SPATA6: variants seen among roughly 807,000 people sequenced by gnomAD.
SPATA6 encodes the protein spermatogenesis associated 6, also known as spermatogenesis-associated protein 6.
SPATA6 carries 56 observed loss-of-function variants against 65.3 expected under a neutral mutation model. That is an observed-to-expected ratio of 0.86 (90% confidence interval 0.69 to 1.07). The LOEUF is 1.07. SPATA6 is among the 50% of genes least tolerant of loss of function. The pLI is 0.00. For synonymous variants in SPATA6, 199 were observed against 213.2 expected, an observed-to-expected ratio of 0.93 and a Z score of 0.58; for missense variants, 590 against 594.8, an observed-to-expected ratio of 0.99 and a Z score of 0.08.
chr1:48,452,666 G>A (rs1465490590), intron 2 of SPATA6, among the ~76,000 whole-genome samples: 1 of 152,178 alleles, frequency 6.6e-6, no homozygotes, highest in Non-Finnish European at 1.5e-5. Context: ...TTGCAGGCAT[G>A]AGCCACCGCA....
At chr1:48,267,766 T>TTTG in the SPATA6 span, among the ~76,000 whole-genome samples, 11 of 136,578 alleles carry the variant, frequency 8.1e-5, 1 homozygote, top group South Asian at 2.6e-3. Context: ...TTTTTTTTTT[T>TTTG]TTTTTTTTTT....
chr1:48,351,813 CCTT>C (rs1646520127), intron 11 of SPATA6, among the ~76,000 whole-genome samples: 2 of 151,906 alleles, frequency 1.3e-5, no homozygotes, highest in African/African-American at 2.4e-5. Flanking sequence ...GGGAAGTTTT[CCTT>C]CTTCTATTTT....
At chr1:48,332,109 C>T (rs995874965) in intron 11 of SPATA6, among the ~76,000 whole-genome samples, 2 of 152,150 alleles carry the variant, frequency 1.3e-5, no homozygotes, top group African/African-American at 4.8e-5. Context: ...AAGACCATTA[C>T]CAGGCACTAC....
chr1:48,452,445 G>A (rs1656657957), intron 2 of SPATA6, among the ~76,000 whole-genome samples: 1 of 150,350 alleles, frequency 6.7e-6, no homozygotes, highest in South Asian at 2.1e-4. Context: ...GTGCAGTGGC[G>A]CTATCTCCTC....
intron 11 of SPATA6, among the ~76,000 whole-genome samples, chr1:48,330,082 C>T (rs1202812648): frequency 6.6e-6 from 1 of 152,196 alleles, no homozygotes; most frequent in Non-Finnish European, 1.5e-5. Context: ...TGCTCCACCA[C>T]TGCATGCCAG....
downstream of SPATA6, among the ~76,000 whole-genome samples, chr1:48,292,519 A>G (rs965653312): frequency 6.6e-6 from 1 of 152,192 alleles, no homozygotes; most frequent in Non-Finnish European, 1.5e-5. Context: ...GGTGCACACA[A>G]CAGGAGGGTT....
chr1:48,333,324 C>T (rs1011634835), intron 11 of SPATA6, among the ~76,000 whole-genome samples: 9 of 152,142 alleles, frequency 5.9e-5, no homozygotes, highest in African/African-American at 1.7e-4. Flanking sequence ...TGGATATACA[C>T]CAGTGGTTTG....
chr1:48,378,116 T>A (rs1648132983), intron 9 of SPATA6, among the ~76,000 whole-genome samples: 1 of 152,202 alleles, frequency 6.6e-6, no homozygotes, highest in Admixed American at 6.5e-5. Context: ...AAATTTCTAT[T>A]ATATTAAGTT....
At chr1:48,275,612 C>T in the SPATA6 span, among the ~76,000 whole-genome samples, 5 of 152,014 alleles carry the variant, frequency 3.3e-5, no homozygotes, top group African/African-American at 1.2e-4. Context: ...TGGTTTTTGT[C>T]ATTGTTTCTG....
At chr1:48,364,219 G>A (rs930655972) in intron 9 of SPATA6, among the ~76,000 whole-genome samples, 2 of 152,122 alleles carry the variant, frequency 1.3e-5, no homozygotes, top group African/African-American at 4.8e-5. Context: ...CATTTGGGTT[G>A]GTTCCAAGTC....
chr1:48,434,408 T>G (rs1654696811), intron 3 of SPATA6, among the ~76,000 whole-genome samples: 1 of 152,186 alleles, frequency 6.6e-6, no homozygotes, highest in South Asian at 2.1e-4. Flanking sequence ...TGGTACCTTT[T>G]CACACATTTT....
At position 48,359,620 on chromosome 1, in the gene SPATA6, T is replaced by G; in HGVS notation, c.1060A>C (p.Ser354Arg). 2.5e-6 allele frequency: 4 copies of G among 1,613,632 alleles called. No homozygotes were observed. Among genetic ancestry groups the G allele is most frequent in the East Asian group, 4.5e-5 (2 of 44,858 alleles). Residue 354 changes from serine (S) to arginine (R), a missense_variant, in exon 10 of 13, where the codon AGC becomes CGC. By Grantham distance (110) the Ser-to-Arg change is moderately radical (BLOSUM62 -1). Transcript: ENST00000371847. ...APSTMPKHSP[S>R]PVLNRASLRE... ...AGAGAAGCTCTATTTAACACAGGGC[T>G]TGGAGAATGCTTTGGCATTGTTGAG... is the stretch of plus-strand genomic sequence containing the variant.
intron 10 of SPATA6, among the ~76,000 whole-genome samples, chr1:48,358,314 G>A (rs558169687): frequency 6.6e-6 from 1 of 150,782 alleles, no homozygotes; most frequent in East Asian, 1.9e-4. Flanking sequence ...CAAAATATGT[G>A]AAAAGGTAGA....
At chr1:48,370,923 C>T (rs1490216704) in intron 9 of SPATA6, among the ~76,000 whole-genome samples, 1 of 152,122 alleles carries the variant, frequency 6.6e-6, no homozygotes, top group East Asian at 1.9e-4. Flanking sequence ...AGCTAAGGAA[C>T]AAACTGACAA....
intron 9 of SPATA6, among the ~76,000 whole-genome samples, chr1:48,375,482 C>T (rs1459174294): frequency 1.3e-5 from 2 of 152,156 alleles, no homozygotes; most frequent in Non-Finnish European, 2.9e-5. Flanking sequence ...TGCCCTGGGT[C>T]ACTTGTCAAA....
intron 3 of SPATA6, among the ~76,000 whole-genome samples, chr1:48,433,768 T>G (rs544774234): frequency 2.8e-4 from 43 of 152,266 alleles, no homozygotes; most frequent in Admixed American, 4.6e-4. Context: ...GAGCCAGAAA[T>G]ATTCTCATGC....
chr1:48,332,227 T>C lies in SPATA6; in HGVS notation c.1194+23443A>G, dbSNP rs972847528. ...ATGATAGCAGGATCAAATCCATACA[T>C]ATCAATAAGAAACTTGAATGTAAAT... On this transcript the variant is annotated intron_variant, in intron 11 of 12. Coordinates refer to ENST00000371847, the MANE Select transcript of SPATA6 (RefSeq NM_019073.4). 2.0e-5 allele frequency among the ~76,000 whole-genome samples: 3 copies of C among 152,286 alleles called. No individual in the cohort carries two copies. The East Asian group carries it at 5.8e-4, about 29-fold the overall frequency.
At chr1:48,320,078 T>C (rs990245596) in intron 11 of SPATA6, among the ~76,000 whole-genome samples, 5 of 152,178 alleles carry the variant, frequency 3.3e-5, no homozygotes, top group Non-Finnish European at 5.9e-5. Context: ...AGGCTGTTGA[T>C]GAGCCCTTTG....
intron 7 of SPATA6, among the ~76,000 whole-genome samples, chr1:48,395,571 C>A (rs1233701149): frequency 6.6e-6 from 1 of 151,744 alleles, no homozygotes; most frequent in East Asian, 1.9e-4. Context: ...ATTTTTAATT[C>A]TATATATATG....
Sources: allele counts gnomAD v4.1 joint callset (sites outside exome capture counted in the v4.1 genomes callset), GRCh38; gene constraint gnomAD v4.1.1; transcripts MANE v1.5; gene names NCBI Gene and HGNC (gene_info 2026-07-23, HGNC 2026-07-21).